The following UBR3 variants were observed in gnomAD, a reference collection of about 807,000 sequenced individuals.
The protein encoded by UBR3 is ubiquitin protein ligase E3 component n-recognin 3, also known as E3 ubiquitin-protein ligase UBR3.
Under a neutral mutation model 243.2 loss-of-function variants are expected in UBR3, and 85 were observed. The observed-to-expected ratio is 0.35, with a 90% confidence interval of 0.29 to 0.42. UBR3 has a LOEUF of 0.42. Among genes scored for constraint, UBR3 ranks in the 10% least tolerant of loss-of-function variants. The pLI is 1.00. For missense variants in UBR3, 1,686 were observed against 2,300.8 expected, an observed-to-expected ratio of 0.73 and a Z score of 5.47; for synonymous variants, 748 against 799.8, an observed-to-expected ratio of 0.94 and a Z score of 1.09.
chr2:169,873,472 G>C lies in UBR3; in HGVS notation c.685+1097G>C, dbSNP rs184298543. On this transcript the variant is annotated intron_variant, in intron 2 of 38. Coordinates refer to ENST00000272793, the MANE Select transcript of UBR3 (RefSeq NM_172070.4). ...GGATTGCTTGAAGCCAGGAGTTCAAGACCAGCTAGACAACATAGAGACTCT... is the reference window on the plus strand; with the variant it reads ...GGATTGCTTGAAGCCAGGAGTTCAACACCAGCTAGACAACATAGAGACTCT... Among the ~76,000 whole-genome samples the C allele has an allele frequency of 4.6e-4, 70 of 152,258 alleles. 1 individual carries two copies. The highest frequency in any genetic ancestry group is 1.6e-3 in the African/African-American group (68 of 41,546).
At position 170,007,056 on chromosome 2, in the gene UBR3, T is replaced by C; in HGVS notation, c.4096T>C (p.Phe1366Leu). The C allele has an allele frequency of 6.2e-7, 1 of 1,613,992 alleles. No individual in the cohort carries two copies. The highest frequency in any genetic ancestry group is 1.1e-5 in the South Asian group (1 of 91,048). The change falls in exon 28 of 39, where the codon TTT becomes CTT. Residue 1366 changes from phenylalanine to leucine, a missense_variant. Phe to Leu is a conservative substitution (Grantham distance 22, BLOSUM62 0). Around this residue, in one of 8 missense-constraint regions of UBR3, gnomAD observed 156 missense variants for 246.3 expected, o/e 0.63. Coordinates refer to ENST00000272793, the MANE Select transcript of UBR3 (RefSeq NM_172070.4). Reference sequence around the variant, plus strand: ...ATTCACGTGTCCACTCTGTAGGCAGTTTGCTAACAGTGTTCTTCCATGTTA... The same window carrying C: ...ATTCACGTGTCCACTCTGTAGGCAGCTTGCTAACAGTGTTCTTCCATGTTA... ...GEFTCPLCRQ[F>L]ANSVLPCYPG...
chr2:170,041,992 GTAT>G (rs67800873), intron 32 of UBR3, among the ~76,000 whole-genome samples: 6,123 of 152,214 alleles, frequency 0.04, 181 homozygotes, highest in East Asian at 0.11. Context: ...ACAATTTAAA[GTAT>G]ACAACTGAAG....
intron 35 of UBR3, among the ~76,000 whole-genome samples, chr2:170,067,850 A>G (rs1460229775): frequency 6.6e-6 from 1 of 150,924 alleles, no homozygotes; most frequent in Non-Finnish European, 1.5e-5. Flanking sequence ...GCTGACTGCA[A>G]CCTCTGCACC....
At chr2:170,077,075 G>A (rs762082597) in intron 36 of UBR3, 13 of 379,588 alleles carry the variant, frequency 3.4e-5, no homozygotes, top group East Asian at 1.4e-4. Flanking sequence ...ATTTAAGACC[G>A]AATTTTTTTT....
chr2:170,081,758 G>C lies in UBR3; in HGVS notation c.5582G>C (p.Arg1861Thr). 6.2e-7 allele frequency: 1 copy of C among 1,607,760 alleles called. No homozygotes were observed. Among genetic ancestry groups the C allele is most frequent in the Non-Finnish European group, 8.5e-7 (1 of 1,176,914 alleles). The change falls in exon 39 of 39, where the codon AGA becomes ACA. Residue 1861 changes from arginine to threonine, a missense_variant. Arg to Thr is a moderately conservative substitution (Grantham distance 71). This residue lies in a region of UBR3 where 89 missense variants were observed against 183.3 expected (regional missense o/e 0.49). Coordinates refer to ENST00000272793, the MANE Select transcript of UBR3 (RefSeq NM_172070.4). ...AAACCTCTCTACATTTGTAAGGAAA[G>C]ATACAAAGTTCTTGAGCAACAGTGG... ...RGKPLYICKE[R>T]YKVLEQQWIS...
chr2:169,971,578 A>G (rs2088147222), intron 24 of UBR3, among the ~76,000 whole-genome samples: 1 of 152,048 alleles, frequency 6.6e-6, no homozygotes, highest in Non-Finnish European at 1.5e-5. Flanking sequence ...TTTATTAAAT[A>G]GGGAATCCTT....
rs2089937457 is a variant in UBR3 at position 170,007,046 on chromosome 2, C to T, written c.4086C>T (p.Leu1362=). Reference sequence around the variant, plus strand: ...ACAAAGGAGAATTCACGTGTCCACTCTGTAGGCAGTTTGCTAACAGTGTTC... The same window carrying T: ...ACAAAGGAGAATTCACGTGTCCACTTTGTAGGCAGTTTGCTAACAGTGTTC... ...SVDKGEFTCP[L]CRQFANSVLP... Residue 1362 remains leucine (L), a synonymous_variant, in exon 28 of 39, where the codon CTC becomes CTT. Transcript: ENST00000272793. The T allele has an allele frequency of 6.2e-7, 1 of 1,613,706 alleles. No individual in the cohort carries two copies. Among genetic ancestry groups the T allele is most frequent in the Admixed American group, 1.7e-5 (1 of 59,976 alleles).
At chr2:169,924,659 C>A (rs10930388) in intron 13 of UBR3, among the ~76,000 whole-genome samples, 111,824 of 152,082 alleles carry the variant, frequency 0.74, 42,583 homozygotes, top group East Asian at 0.88. Context: ...CTTGCACTTC[C>A]ATTTGTTTTT....
intron 32 of UBR3, among the ~76,000 whole-genome samples, chr2:170,053,439 A>T (rs1441272028): frequency 6.6e-6 from 1 of 152,192 alleles, no homozygotes; most frequent in Non-Finnish European, 1.5e-5. Flanking sequence ...GTGTGGTTCT[A>T]CTGGAAGAAG....
At chr2:169,925,554 AT>A (rs1221676544) in intron 13 of UBR3, 64 bp from the exon 14 acceptor site, 7 of 1,370,254 alleles carry the variant, frequency 5.1e-6, no homozygotes, top group Middle Eastern at 2.1e-4. Flanking sequence ...TGAAATGGTT[AT>A]TTATAATATT....
intron 35 of UBR3, among the ~76,000 whole-genome samples, chr2:170,072,688 T>C (rs1237492724): frequency 6.6e-6 from 1 of 152,064 alleles, no homozygotes; most frequent in African/African-American, 2.4e-5. Context: ...TTTCATTAAA[T>C]GGTGTCAGGG....
Position 169,875,900 on chromosome 2 carries a change from T to C in UBR3, c.795T>C (p.Val265=). 1 of 1,544,706 alleles carries C rather than the reference T, an allele frequency of 6.5e-7. No homozygotes were observed. Among genetic ancestry groups the C allele is most frequent in the Non-Finnish European group, 8.7e-7 (1 of 1,144,330 alleles). The part of the protein sequence containing the change: ...LTKMGGAMRS[V]LTQVLTNQQN... ...AAATGGGAGGAGCAATGCGGTCTGT[T>C]CTTACTCAGGTTTTGACAAACCAAC... is the stretch of plus-strand genomic sequence containing the variant. Residue 265 remains valine, a synonymous_variant, in exon 3 of 39, where the codon GTT becomes GTC. Coordinates refer to ENST00000272793, the MANE Select transcript of UBR3 (RefSeq NM_172070.4).
intron 35 of UBR3, among the ~76,000 whole-genome samples, chr2:170,071,137 C>T (rs13415477): frequency 0.067 from 10,257 of 152,134 alleles, 362 homozygotes; most frequent in Non-Finnish European, 0.085. Context: ...GAATGCAAAA[C>T]GGTATAGTCA....
chr2:169,885,398 A>G (rs1022383901), intron 5 of UBR3, among the ~76,000 whole-genome samples: 1 of 152,140 alleles, frequency 6.6e-6, no homozygotes, highest in East Asian at 1.9e-4. Flanking sequence ...CCTGACCAAC[A>G]TGGAGAAACC....
At chr2:169,853,246 G>A (rs2082725910) in intron 1 of UBR3, among the ~76,000 whole-genome samples, 1 of 152,180 alleles carries the variant, frequency 6.6e-6, no homozygotes, top group South Asian at 2.1e-4. Context: ...AGCTGGGCAG[G>A]AGGCAGACAA....
chr2:170,024,047 C>T (rs944837733), intron 30 of UBR3, among the ~76,000 whole-genome samples: 18 of 152,050 alleles, frequency 1.2e-4, no homozygotes, highest in African/African-American at 4.3e-4. Flanking sequence ...TCTTAATGAT[C>T]AGTATGAGTA....
At chr2:169,898,733 G>A (rs974879726) in intron 8 of UBR3, among the ~76,000 whole-genome samples, 2 of 128,604 alleles carry the variant, frequency 1.6e-5, no homozygotes, top group Admixed American at 9.8e-5. Flanking sequence ...ACGGAGTCTC[G>A]CTCTGTCGCC....
At chr2:170,014,958 GA>G (rs2090190565) in intron 29 of UBR3, 2 of 173,906 alleles carry the variant, frequency 1.2e-5, no homozygotes, top group African/African-American at 5.1e-5. Flanking sequence ...GCAGGTTTAT[GA>G]AATATGTTGC....
At chr2:169,908,539 G>A (rs1036834770) in intron 10 of UBR3, among the ~76,000 whole-genome samples, 3 of 152,148 alleles carry the variant, frequency 2.0e-5, no homozygotes, top group Non-Finnish European at 4.4e-5. Flanking sequence ...TTTTGGTACT[G>A]AACCAAATAG....
Sources: gnomAD v4.1 joint callset for allele counts (sites outside exome capture counted in the v4.1 genomes callset) on GRCh38, gnomAD v4.1.1 for gene constraint, gnomAD v4.1.1 regional missense constraint, MANE v1.5 for transcripts, NCBI Gene and HGNC (gene_info 2026-07-23, HGNC 2026-07-21) for gene names.